The following AEBP2 variants were observed in gnomAD, a reference collection of about 807,000 sequenced individuals.
AEBP2 encodes AE binding protein 2, also known as zinc finger protein AEBP2.
Under a neutral mutation model 50.8 loss-of-function variants are expected in AEBP2, and 10 were observed. The observed-to-expected ratio is 0.20, with a 90% confidence interval of 0.12 to 0.33. The LOEUF (loss-of-function observed/expected upper bound fraction) is 0.33, where lower values mean the gene tolerates loss of function less well. Among genes scored for constraint, AEBP2 ranks in the 10% least tolerant of loss-of-function variants. The probability of loss-of-function intolerance (pLI) is 1.00; values close to 1 mark genes in which losing one functional copy is unlikely to be tolerated. For synonymous variants in AEBP2, 296 were observed against 261.3 expected (o/e 1.13, Z -1.28); for missense variants, 570 against 688.0 (o/e 0.83, Z 1.92).
rs572011099 is a variant in AEBP2 at position 19,439,507 on chromosome 12, G to T, written c.-193G>T. On this transcript the variant is annotated 5_prime_UTR_variant, in exon 1 of 8. Coordinates refer to ENST00000266508, the MANE Select transcript of AEBP2 (RefSeq NM_153207.5). ...GGCGCGCAGCAGTCTCCGTGTGAGT[G>T]CGCGTAGTCGCGCGCCTGTCCCCGC... Among the ~76,000 whole-genome samples the T allele has an allele frequency of 2.6e-5, 4 of 152,116 alleles. No individual in the cohort carries two copies. The East Asian group carries it at 5.8e-4, about 22-fold the overall frequency.
At chr12:19,467,930 T>C (rs1251020630) in intron 2 of AEBP2, among the ~76,000 whole-genome samples, 2 of 151,816 alleles carry the variant, frequency 1.3e-5, no homozygotes, top group Non-Finnish European at 2.9e-5. Context: ...TATGGTACAG[T>C]ATTATTGGAA....
intron 3 of AEBP2, among the ~76,000 whole-genome samples, chr12:19,492,213 A>T (rs1948904116): frequency 1.3e-5 from 2 of 152,216 alleles, no homozygotes; most frequent in South Asian, 4.1e-4. Context: ...TATCCATCCA[A>T]CTGTGGATAT....
chr12:19,487,383 A>G (rs1948825646), intron 3 of AEBP2, among the ~76,000 whole-genome samples: 1 of 152,138 alleles, frequency 6.6e-6, no homozygotes, highest in African/African-American at 2.4e-5. Flanking sequence ...TTGTAAAATT[A>G]TTACCACTGT....
At position 19,449,363 on chromosome 12, in the gene AEBP2, A is replaced by G. The variant is rs186809781; in HGVS notation, c.671+8993A>G. On this transcript the variant is annotated intron_variant, in intron 1 of 7. Coordinates refer to ENST00000266508, the MANE Select transcript of AEBP2 (RefSeq NM_153207.5). ...CTTAGTGTAATTGTGTTGAAGTGGAATGTTTCTAGTGTTTGTGAAGATATC... is the reference window on the plus strand; with the variant it reads ...CTTAGTGTAATTGTGTTGAAGTGGAGTGTTTCTAGTGTTTGTGAAGATATC... 3.9e-4 allele frequency among the ~76,000 whole-genome samples: 60 copies of G among 152,256 alleles called. No homozygotes were observed. The East Asian group carries it at 7.5e-3, about 19-fold the overall frequency.
chr12:19,457,503 A>C (rs1180726017), intron 1 of AEBP2: 2 of 1,494,576 alleles, frequency 1.3e-6, no homozygotes, highest in Non-Finnish European at 9.0e-7. Context: ...GCCCTTTCCC[A>C]TCTCAGCAGC....
intron 5 of AEBP2, among the ~76,000 whole-genome samples, chr12:19,508,225 AT>A (rs1251014522): frequency 2.0e-5 from 3 of 152,132 alleles, no homozygotes; most frequent in Non-Finnish European, 2.9e-5. Context: ...AAAAAACCAT[AT>A]TTTAAAAAAT....
chr12:19,430,945 C>A (rs1592709881), intron 1 of AEBP2, among the ~76,000 whole-genome samples: 1 of 151,408 alleles, frequency 6.6e-6, no homozygotes, highest in East Asian at 1.9e-4. Flanking sequence ...ATAGCTTGAG[C>A]CCCAGAGGTT....
At chr12:19,506,757 G>A (rs1949160780) in intron 5 of AEBP2, among the ~76,000 whole-genome samples, 2 of 152,212 alleles carry the variant, frequency 1.3e-5, no homozygotes, top group Admixed American at 1.3e-4. Context: ...AAGTGAGAAT[G>A]ATAGTGGCTT....
chr12:19,473,376 AATTTATTTATTTATTTATTT>A (rs71530938), intron 3 of AEBP2, 21 bp downstream of exon 3: 2 of 175,590 alleles, frequency 1.1e-5, no homozygotes, highest in South Asian at 1.3e-4. Flanking sequence ...ATGTATATAA[AATTTATTTATTTATTTATTT>A]ATTTATTTAT....
At chr12:19,494,498 C>CTTTTTTT (rs747750453) in intron 4 of AEBP2, among the ~76,000 whole-genome samples, 2 of 115,870 alleles carry the variant, frequency 1.7e-5, no homozygotes, top group Admixed American at 1.0e-4. Flanking sequence ...AGCAGTGTTG[C>CTTTTTTT]TTTTTTTTTT....
intron 4 of AEBP2, among the ~76,000 whole-genome samples, chr12:19,497,338 T>TG (rs1949000700): frequency 7.0e-6 from 1 of 142,458 alleles, no homozygotes; most frequent in Non-Finnish European, 1.5e-5. Context: ...GTTTTTTTTT[T>TG]TTTTTTTTTT....
chr12:19,440,561 C>A, intron 1 of AEBP2, 191 bp downstream of exon 1: 1 of 1,403,390 alleles, frequency 7.1e-7, no homozygotes, highest in South Asian at 1.6e-5. Flanking sequence ...CGGCTTCCAA[C>A]TCTCAAACCG....
intron 4 of AEBP2, among the ~76,000 whole-genome samples, chr12:19,497,032 T>C (rs12227533): frequency 0.021 from 3,183 of 151,326 alleles, 40 homozygotes; most frequent in East Asian, 0.042. Flanking sequence ...TAAAAATCTT[T>C]AAAATATATT....
intron 1 of AEBP2, chr12:19,456,568 C>T (rs1948273109): frequency 9.1e-6 from 14 of 1,540,278 alleles, no homozygotes; most frequent in Middle Eastern, 2.3e-4. Context: ...GGGGCATAGC[C>T]AGCACTTATT....
At chr12:19,434,938 G>A (rs2153365426), upstream of AEBP2, among the ~76,000 whole-genome samples, 3 of 152,156 alleles carry the variant, frequency 2.0e-5, no homozygotes, top group Admixed American at 2.0e-4. Context: ...ATTCGTTTGT[G>A]GCTTTGATAC....
At position 19,440,049 on chromosome 12, in the gene AEBP2, A is replaced by C; in HGVS notation, c.350A>C (p.Glu117Ala). ...EDESSSSGGG[E>A]EESSAESLVG... ...GAGAGCAGCAGCAGCGGCGGGGGTG[A>C]GGAGGAGAGTAGCGCCGAGAGCCTG... The change falls in exon 1 of 8, where the codon GAG becomes GCG. Residue 117 changes from glutamate (E) to alanine (A), a missense_variant. Physicochemically the swap from Glu to Ala is moderately radical, Grantham distance 107 (BLOSUM62 -1). Around this residue, in one of 2 missense-constraint regions of AEBP2, gnomAD observed 386 missense variants for 336.8 expected, o/e 1.15. Coordinates refer to ENST00000266508, the MANE Select transcript of AEBP2 (RefSeq NM_153207.5). 1 of 1,520,890 alleles carries C rather than the reference A, an allele frequency of 6.6e-7. No individual in the cohort carries two copies. Among genetic ancestry groups the C allele is most frequent in the Non-Finnish European group, 8.8e-7 (1 of 1,140,306 alleles). The allele number at this position is 1,520,890 out of a possible 1,614,324, so 94.2% of individuals were successfully genotyped here.
rs559009605 is a variant in AEBP2, at chr12:19,453,055, GC to G, written c.672-9453del. Among the ~76,000 whole-genome samples, 339 of 137,872 alleles carry G rather than the reference GC, an allele frequency of 2.5e-3. 1 individual carries two copies. Among genetic ancestry groups the G allele is most frequent in the African/African-American group, 8.6e-3 (322 of 37,444 alleles). 90.4% of individuals were successfully genotyped at this position (137,872 alleles called of 152,430 possible). A position where few individuals can be genotyped will look rare whatever the true frequency, so the allele number is the denominator to read the frequency against. On this transcript the variant is annotated intron_variant, in intron 1 of 7. Coordinates refer to ENST00000266508, the MANE Select transcript of AEBP2 (RefSeq NM_153207.5). Reference sequence around the variant, plus strand: ...ATGATCTCGGCTCATTGCAAGCTCCGCCTCCCAGGTTCACGCCATTCTCCTG... The same window carrying G: ...ATGATCTCGGCTCATTGCAAGCTCCGCTCCCAGGTTCACGCCATTCTCCTG...
intron 1 of AEBP2, among the ~76,000 whole-genome samples, chr12:19,417,276 C>T (rs969883201): frequency 2.6e-5 from 4 of 152,102 alleles, no homozygotes; most frequent in Non-Finnish European, 4.4e-5. Context: ...AAATACACGC[C>T]GTACAACTTT....
chr12:19,439,953 C>A lies in AEBP2; in HGVS notation c.254C>A (p.Pro85Gln). 1 of 1,514,944 alleles carries A rather than the reference C, an allele frequency of 6.6e-7. No homozygotes were observed. Among genetic ancestry groups the A allele is most frequent in the Non-Finnish European group, 8.8e-7 (1 of 1,138,880 alleles). The allele number at this position is 1,514,944 out of a possible 1,614,324, so 93.8% of individuals were successfully genotyped here. A position where few individuals can be genotyped will look rare whatever the true frequency, so the allele number is the denominator to read the frequency against. Residue 85 changes from proline (P) to glutamine (Q), a missense_variant, in exon 1 of 8, where the codon CCG becomes CAG. Coordinates refer to ENST00000266508, the MANE Select transcript of AEBP2 (RefSeq NM_153207.5). Reference sequence around the variant, plus strand: ...GGCGAGGCAGAGACGATGTCGGAGCCGAGCCCCGAGAGCGCCAGCCAGGCC... The same window carrying A: ...GGCGAGGCAGAGACGATGTCGGAGCAGAGCCCCGAGAGCGCCAGCCAGGCC... Reference protein sequence around the residue: ...GGGEAETMSEPSPESASQAGE... With the variant: ...GGGEAETMSEQSPESASQAGE...
Sources: gnomAD v4.1 joint callset for allele counts (sites outside exome capture counted in the v4.1 genomes callset) on GRCh38, gnomAD v4.1.1 for gene constraint, gnomAD v4.1.1 regional missense constraint, MANE v1.5 for transcripts, NCBI Gene and HGNC (gene_info 2026-07-23, HGNC 2026-07-21) for gene names.